LGSN: variants seen among roughly 807,000 people sequenced by gnomAD.
LGSN encodes the protein lengsin, lens protein with glutamine synthetase domain.
In LGSN, 21 loss-of-function variants were observed where a neutral mutation model predicts 19.5. That is an observed-to-expected ratio of 1.07 (90% CI 0.76 to 1.55). LGSN has a LOEUF of 1.55. Among genes scored for constraint, LGSN ranks in the 40% most tolerant of loss-of-function variants. The pLI is 0.00. For missense variants in LGSN, 673 were observed against 608.5 expected (o/e 1.11, Z -1.12); for synonymous variants, 257 against 215.6 (o/e 1.19, Z -1.68).
chr6:63,494,577 C>T, the LGSN span, among the ~76,000 whole-genome samples: 2 of 152,244 alleles, frequency 1.3e-5, no homozygotes, highest in African/African-American at 4.8e-5. Context: ...GGCACATTAT[C>T]TAATTTCTAA....
At chr6:63,421,691 G>A in the LGSN span, among the ~76,000 whole-genome samples, 1 of 151,942 alleles carries the variant, frequency 6.6e-6, no homozygotes, top group Non-Finnish European at 1.5e-5. Flanking sequence ...TTGAGCCACT[G>A]CACCCCAGCC....
the LGSN span, among the ~76,000 whole-genome samples, chr6:63,547,812 A>C: frequency 6.6e-6 from 1 of 151,802 alleles, no homozygotes; most frequent in Non-Finnish European, 1.5e-5. Flanking sequence ...CGCCCGGCCC[A>C]GGGGGGGATT....
chr6:63,470,476 CA>C, the LGSN span, among the ~76,000 whole-genome samples: 73 of 139,074 alleles, frequency 5.2e-4, no homozygotes, highest in Middle Eastern at 3.6e-3. Flanking sequence ...TGTCTCAATT[CA>C]AAAAAAAAAA....
At chr6:63,403,428 T>A in the LGSN span, among the ~76,000 whole-genome samples, 1 of 152,110 alleles carries the variant, frequency 6.6e-6, no homozygotes, top group East Asian at 1.9e-4. Flanking sequence ...ATTAAATGCC[T>A]AAATTTAGAA....
At chr6:63,450,193 C>CAAA in the LGSN span, among the ~76,000 whole-genome samples, 729 of 94,732 alleles carry the variant, frequency 7.7e-3, 12 homozygotes, top group East Asian at 0.018. Context: ...CTAAAAAATG[C>CAAA]AAAAAAAAAA....
chr6:63,373,878 T>A, the LGSN span, among the ~76,000 whole-genome samples: 1 of 151,270 alleles, frequency 6.6e-6, no homozygotes, highest in Non-Finnish European at 1.5e-5. Context: ...GAGGTTGCAG[T>A]GAGCCAAGAT....
At chr6:63,499,833 G>A in the LGSN span, among the ~76,000 whole-genome samples, 4 of 152,052 alleles carry the variant, frequency 2.6e-5, no homozygotes, top group African/African-American at 9.7e-5. Context: ...AGCAAGGTGG[G>A]ATTTGGTTAG....
At chr6:63,439,451 G>C in the LGSN span, among the ~76,000 whole-genome samples, 1 of 151,982 alleles carries the variant, frequency 6.6e-6, no homozygotes, top group Non-Finnish European at 1.5e-5. Flanking sequence ...GGAGGTGGAG[G>C]TTGCAGTGAT....
At chr6:63,391,086 T>A in the LGSN span, among the ~76,000 whole-genome samples, 1 of 152,176 alleles carries the variant, frequency 6.6e-6, no homozygotes, top group Admixed American at 6.6e-5. Flanking sequence ...AGATCTCAAA[T>A]AGCTCTAATA....
At chr6:63,380,527 A>G in the LGSN span, among the ~76,000 whole-genome samples, 13 of 152,246 alleles carry the variant, frequency 8.5e-5, no homozygotes, top group South Asian at 2.7e-3. Context: ...TGACAGGTGG[A>G]GTCTTATGTG....
intron 3 of LGSN, 106 bp downstream of exon 3, chr6:63,285,480 GC>G: frequency 1.2e-6 from 1 of 852,538 alleles, no homozygotes; most frequent in Non-Finnish European, 1.8e-6. Flanking sequence ...TTGATTTTCA[GC>G]TTGAATTGCT....
the LGSN span, among the ~76,000 whole-genome samples, chr6:63,526,325 AAAAT>A: frequency 3.3e-5 from 5 of 151,970 alleles, no homozygotes; most frequent in South Asian, 2.1e-4. Context: ...ACTCCACCTC[AAAAT>A]AAATAAATAA....
At chr6:63,370,602 G>A in the LGSN span, among the ~76,000 whole-genome samples, 3 of 152,210 alleles carry the variant, frequency 2.0e-5, no homozygotes, top group Admixed American at 6.5e-5. Context: ...TCCTGCCTAC[G>A]CATCTATCCA....
At chr6:63,471,091 C>T in the LGSN span, among the ~76,000 whole-genome samples, 3 of 151,760 alleles carry the variant, frequency 2.0e-5, no homozygotes, top group Middle Eastern at 3.4e-3. Flanking sequence ...CATGGGATTA[C>T]AGGCATGCGC....
the LGSN span, chr6:63,480,526 C>CA: frequency 1.8e-3 from 261 of 146,348 alleles, 2 homozygotes; most frequent in Admixed American, 9.1e-3. Context: ...CAAAGAAAGC[C>CA]AAAAAAAAAA....
chr6:63,547,553 T>C, the LGSN span, among the ~76,000 whole-genome samples: 1 of 144,144 alleles, frequency 6.9e-6, no homozygotes, highest in Non-Finnish European at 1.5e-5. Flanking sequence ...TCGCCCAGGC[T>C]GGAGTGCAGT....
At chr6:63,376,912 T>A in the LGSN span, among the ~76,000 whole-genome samples, 18,343 of 152,120 alleles carry the variant, frequency 0.12, 2,429 homozygotes, top group African/African-American at 0.33. Flanking sequence ...TTCCTAGGCT[T>A]CCAAACCCAG....
At chr6:63,426,023 C>A in the LGSN span, among the ~76,000 whole-genome samples, 1 of 151,760 alleles carries the variant, frequency 6.6e-6, no homozygotes, top group Non-Finnish European at 1.5e-5. Flanking sequence ...TAAAATTACT[C>A]AATATTAAAA....
At chr6:63,396,557 C>T in the LGSN span, 1 of 154,910 alleles carries the variant, frequency 6.5e-6, no homozygotes, top group African/African-American at 2.4e-5. Context: ...AGTTTGGGTA[C>T]CCTTCTCCGC....
Sources: gnomAD v4.1 joint callset for allele counts (sites outside exome capture counted in the v4.1 genomes callset) on GRCh38, gnomAD v4.1.1 for gene constraint, MANE v1.5 for transcripts, NCBI Gene and HGNC (gene_info 2026-07-23, HGNC 2026-07-21) for gene names.